Variants in BBX observed in about 807,000 individuals in gnomAD.
The protein encoded by BBX is HMG box transcription factor BBX.
BBX carries 30 observed loss-of-function variants against 100.2 expected under a neutral mutation model. The ratio of observed to expected loss-of-function variants is 0.30; its 90% CI spans 0.22 to 0.41. The LOEUF (loss-of-function observed/expected upper bound fraction) is 0.41, where lower values mean the gene tolerates loss of function less well. BBX is among the 10% of genes least tolerant of loss of function. The pLI is 1.00. For missense variants in BBX, 1,023 were observed against 1,129.8 expected, an observed-to-expected ratio of 0.91 and a Z score of 1.35; for synonymous variants, 376 against 388.1, an observed-to-expected ratio of 0.97 and a Z score of 0.37.
intron 2 of BBX, among the ~76,000 whole-genome samples, chr3:107,578,207 A>G (rs2051953562): frequency 6.6e-6 from 1 of 152,242 alleles, no homozygotes; most frequent in Non-Finnish European, 1.5e-5. Flanking sequence ...TAAGATAAAC[A>G]GTATCTAGAA....
intron 2 of BBX, among the ~76,000 whole-genome samples, chr3:107,598,563 G>A (rs975151880): frequency 3.9e-5 from 6 of 152,156 alleles, no homozygotes; most frequent in African/African-American, 1.4e-4. Flanking sequence ...TTTATTTTGG[G>A]TGTCAGTTTA....
chr3:107,720,214 A>G (rs2062430567), intron 5 of BBX, among the ~76,000 whole-genome samples: 1 of 152,000 alleles, frequency 6.6e-6, no homozygotes, highest in African/African-American at 2.4e-5. Context: ...GAGCTGGGTT[A>G]TTCTTTCCCA....
intron 2 of BBX, among the ~76,000 whole-genome samples, chr3:107,621,198 T>A (rs1440364726): frequency 3.9e-5 from 6 of 152,184 alleles, no homozygotes; most frequent in African/African-American, 1.4e-4. Context: ...TAGAGAAAGC[T>A]GACTTTTGGG....
intron 15 of BBX, among the ~76,000 whole-genome samples, chr3:107,795,613 C>CTTTTTTTTTTTTTTTTTTTTTT (rs1158136233): frequency 1.7e-5 from 1 of 60,034 alleles, no homozygotes; most frequent in Admixed American, 2.1e-4. Flanking sequence ...CCGACGTAGT[C>CTTTTTTTTTTTTTTTTTTTTTT]TTTTTTTTTT....
At chr3:107,568,178 T>G (rs2051061526) in intron 2 of BBX, among the ~76,000 whole-genome samples, 1 of 152,122 alleles carries the variant, frequency 6.6e-6, no homozygotes, top group African/African-American at 2.4e-5. Flanking sequence ...TTTTTGTTTT[T>G]AATTTATCCC....
At chr3:107,633,626 C>T (rs1327923218) in intron 2 of BBX, among the ~76,000 whole-genome samples, 4 of 152,234 alleles carry the variant, frequency 2.6e-5, no homozygotes, top group East Asian at 1.9e-4. Flanking sequence ...ATCTTAGACT[C>T]TAAGGCCTCA....
intron 10 of BBX, among the ~76,000 whole-genome samples, chr3:107,758,441 A>G (rs987325242): frequency 1.3e-5 from 2 of 152,202 alleles, no homozygotes; most frequent in African/African-American, 2.4e-5. Flanking sequence ...GCAAGAGACT[A>G]TTGGACAGTA....
chr3:107,742,915 A>G (rs1023119218), intron 7 of BBX, among the ~76,000 whole-genome samples: 4 of 152,186 alleles, frequency 2.6e-5, no homozygotes, highest in African/African-American at 9.6e-5. Context: ...TATAAATGAC[A>G]CTTAAAAGAA....
intron 3 of BBX, among the ~76,000 whole-genome samples, chr3:107,658,657 G>A (rs980697125): frequency 6.6e-6 from 1 of 152,058 alleles, no homozygotes; most frequent in Non-Finnish European, 1.5e-5. Flanking sequence ...GCCCTAGGTA[G>A]TAATGATGAT....
At chr3:107,624,265 T>C (rs539859660) in intron 2 of BBX, among the ~76,000 whole-genome samples, 1 of 152,370 alleles carries the variant, frequency 6.6e-6, no homozygotes, top group East Asian at 1.9e-4. Flanking sequence ...GTGCTTTTTA[T>C]CCATTACATA....
At chr3:107,747,429 A>G (rs901089952) in intron 8 of BBX, among the ~76,000 whole-genome samples, 1 of 152,130 alleles carries the variant, frequency 6.6e-6, no homozygotes. Context: ...GTGGTGAAAA[A>G]TAAGTCTTAG....
intron 3 of BBX, among the ~76,000 whole-genome samples, chr3:107,679,859 T>A (rs180852381): frequency 6.6e-6 from 1 of 152,290 alleles, no homozygotes; most frequent in East Asian, 1.9e-4. Flanking sequence ...TATTTTAAAA[T>A]GAGTTTTAAT....
intron 2 of BBX, among the ~76,000 whole-genome samples, chr3:107,634,423 G>A (rs1433753017): frequency 1.3e-5 from 2 of 152,178 alleles, no homozygotes; most frequent in East Asian, 1.9e-4. Flanking sequence ...TTGGAGAGAG[G>A]ACTGGAGTAT....
At chr3:107,804,236 A>G (rs2070850168) in intron 17 of BBX, among the ~76,000 whole-genome samples, 1 of 152,158 alleles carries the variant, frequency 6.6e-6, no homozygotes, top group South Asian at 2.1e-4. Context: ...TTTTTTGTGC[A>G]TCAAGAGAAA....
intron 2 of BBX, among the ~76,000 whole-genome samples, chr3:107,559,764 A>G (rs533637159): frequency 7.2e-4 from 110 of 152,236 alleles, no homozygotes; most frequent in Non-Finnish European, 8.5e-4. Flanking sequence ...TTTTCTTTAA[A>G]CAGATTCTCG....
intron 2 of BBX, among the ~76,000 whole-genome samples, chr3:107,621,986 A>G (rs941990553): frequency 1.3e-5 from 2 of 152,142 alleles, no homozygotes; most frequent in African/African-American, 2.4e-5. Flanking sequence ...TGTGTGTATC[A>G]TTCTGTGAAG....
intron 3 of BBX, among the ~76,000 whole-genome samples, chr3:107,653,502 A>T (rs750906044): frequency 6.6e-6 from 1 of 152,066 alleles, no homozygotes; most frequent in African/African-American, 2.4e-5. Context: ...TATTTTTAGG[A>T]TATTGCTATA....
At chr3:107,745,620 C>G (rs2107615877) in intron 8 of BBX, among the ~76,000 whole-genome samples, 1 of 152,010 alleles carries the variant, frequency 6.6e-6, no homozygotes, top group African/African-American at 2.4e-5. Context: ...GCCACCATGC[C>G]CAACTAATTT....
chr3:107,779,020 TACACACACACACACAC>T (rs66512735), intron 13 of BBX, among the ~76,000 whole-genome samples: 3 of 95,816 alleles, frequency 3.1e-5, no homozygotes, highest in Non-Finnish European at 4.2e-5. Context: ...TATATATATA[TACACACACACACACAC>T]ATATACATTG....
Sources: allele counts gnomAD v4.1 joint callset (sites outside exome capture counted in the v4.1 genomes callset), GRCh38; gene constraint gnomAD v4.1.1; transcripts MANE v1.5; gene names NCBI Gene and HGNC (gene_info 2026-07-23, HGNC 2026-07-21).